The following CTNNA3 variants were observed in gnomAD, a reference collection of about 807,000 sequenced individuals.
CTNNA3 encodes catenin alpha 3, also known as catenin alpha-3.
CTNNA3 carries 76 observed loss-of-function variants against 95.7 expected under a neutral mutation model. That is an observed-to-expected ratio of 0.79 (90% CI 0.66 to 0.96). The LOEUF (loss-of-function observed/expected upper bound fraction) is 0.96, where lower values mean the gene tolerates loss of function less well. Among genes scored for constraint, CTNNA3 ranks in the 40% least tolerant of loss-of-function variants. The pLI is 0.00. For missense variants in CTNNA3, 1,191 were observed against 1,089.8 expected, an observed-to-expected ratio of 1.09 and a Z score of -1.31; for synonymous variants, 431 against 374.4, an observed-to-expected ratio of 1.15 and a Z score of -1.74.
chr10:66,388,547 G>A (rs968331786), intron 11 of CTNNA3, among the ~76,000 whole-genome samples: 7 of 152,050 alleles, frequency 4.6e-5, no homozygotes, highest in African/African-American at 7.2e-5. Flanking sequence ...GCAGAAGGTT[G>A]TGTGATTACT....
chr10:67,025,311 C>T (rs191746404), intron 7 of CTNNA3, among the ~76,000 whole-genome samples: 2 of 151,696 alleles, frequency 1.3e-5, no homozygotes, highest in African/African-American at 4.8e-5. Flanking sequence ...AGCTCATAAG[C>T]CTATTTTGTA....
At position 66,311,689 on chromosome 10, in the gene CTNNA3, A is replaced by C. The variant is rs76602399; in HGVS notation, c.1733-31068T>G. 8.1e-3 allele frequency among the ~76,000 whole-genome samples: 1,240 copies of C among 152,356 alleles called. 14 individuals are homozygous for C. Among genetic ancestry groups the C allele is most frequent in the African/African-American group, 0.028 (1,177 of 41,580 alleles). On this transcript the variant is annotated intron_variant, in intron 12 of 17. Transcript: ENST00000433211. ...GCACACAGTAATGCCAGAAGTTTTA[A>C]TATTAGACTCAGAAAGATACCACAA...
At chr10:67,514,860 T>G (rs926547616) in intron 5 of CTNNA3, among the ~76,000 whole-genome samples, 2 of 152,118 alleles carry the variant, frequency 1.3e-5, no homozygotes, top group Non-Finnish European at 2.9e-5. Flanking sequence ...AACTACTGTA[T>G]AGCAAACAAC....
intron 9 of CTNNA3, among the ~76,000 whole-genome samples, chr10:66,637,357 G>A (rs1001038430): frequency 6.6e-6 from 1 of 152,200 alleles, no homozygotes; most frequent in African/African-American, 2.4e-5. Flanking sequence ...TGCATTCAAG[G>A]TAGCTCCATG....
intron 7 of CTNNA3, among the ~76,000 whole-genome samples, chr10:67,142,669 C>T (rs777267905): frequency 6.6e-6 from 1 of 152,304 alleles, no homozygotes; most frequent in Non-Finnish European, 1.5e-5. Context: ...CGCAGTGGCT[C>T]ACACCTGTAA....
chr10:66,222,685 A>AAGGG (rs1491123050), intron 13 of CTNNA3, among the ~76,000 whole-genome samples: 1 of 147,752 alleles, frequency 6.8e-6, no homozygotes, highest in African/African-American at 2.5e-5. Flanking sequence ...TGGAGGAAGG[A>AAGGG]AGGGAGGGAG....
intron 1 of CTNNA3, among the ~76,000 whole-genome samples, chr10:67,711,589 A>AT (rs1160033893): frequency 6.6e-6 from 1 of 151,956 alleles, no homozygotes; most frequent in African/African-American, 2.4e-5. Flanking sequence ...TTATTTATTT[A>AT]TTTTTTATTA....
At chr10:67,579,040 C>T (rs1307641690) in intron 3 of CTNNA3, among the ~76,000 whole-genome samples, 1 of 142,246 alleles carries the variant, frequency 7.0e-6, no homozygotes, top group African/African-American at 2.6e-5. Context: ...TATACACACA[C>T]ACACATATAT....
At chr10:66,566,665 C>T (rs1486364726) in intron 10 of CTNNA3, among the ~76,000 whole-genome samples, 4 of 151,976 alleles carry the variant, frequency 2.6e-5, no homozygotes, top group African/African-American at 9.7e-5. Context: ...TCTCCTTGTC[C>T]TCTTCATGCT....
chr10:66,543,907 GTGTGTATATATATATATATATA>G (rs1211025795), intron 10 of CTNNA3, among the ~76,000 whole-genome samples: 1 of 28,954 alleles, frequency 3.5e-5, no homozygotes, highest in Non-Finnish European at 6.4e-5. Flanking sequence ...AGATGTGTGT[GTGTGTATATATATATATATATA>G]TATATATATA....
At chr10:66,568,301 A>AAT (rs1253003779) in intron 10 of CTNNA3, among the ~76,000 whole-genome samples, 18 of 152,302 alleles carry the variant, frequency 1.2e-4, no homozygotes, top group African/African-American at 3.8e-4. Flanking sequence ...CTGATTGTAG[A>AAT]CAGTGTCCCT....
intron 1 of CTNNA3, among the ~76,000 whole-genome samples, chr10:67,655,911 G>C (rs1407781347): frequency 6.6e-6 from 1 of 151,278 alleles, no homozygotes; most frequent in Non-Finnish European, 1.5e-5. Flanking sequence ...ATTGAAACCA[G>C]ATGTTAACTG....
intron 3 of CTNNA3, among the ~76,000 whole-genome samples, chr10:67,602,707 A>C (rs1330217636): frequency 6.6e-6 from 1 of 152,196 alleles, no homozygotes; most frequent in African/African-American, 2.4e-5. Flanking sequence ...ATCTCATGGC[A>C]ATTATTGTTC....
At chr10:67,607,377 T>C (rs983017593) in intron 2 of CTNNA3, among the ~76,000 whole-genome samples, 1 of 152,134 alleles carries the variant, frequency 6.6e-6, no homozygotes, top group Non-Finnish European at 1.5e-5. Flanking sequence ...AAGAAAATCA[T>C]AAGGCAGAGA....
chr10:67,329,088 T>A (rs898655634), intron 5 of CTNNA3, among the ~76,000 whole-genome samples: 5 of 152,164 alleles, frequency 3.3e-5, no homozygotes, highest in Admixed American at 1.3e-4. Context: ...AAATGGCAAA[T>A]GGGCTGGGTG....
intron 13 of CTNNA3, among the ~76,000 whole-genome samples, chr10:66,105,236 G>A (rs1254787696): frequency 6.6e-6 from 1 of 152,144 alleles, no homozygotes. Context: ...GGTATTAATA[G>A]CACAAGTTCA....
intron 12 of CTNNA3, among the ~76,000 whole-genome samples, chr10:66,303,548 G>A (rs1433857465): frequency 6.6e-6 from 1 of 151,912 alleles, no homozygotes; most frequent in Admixed American, 6.6e-5. Context: ...TATATAATTG[G>A]TTAGGCATAT....
Position 67,177,992 on chromosome 10 carries a change from C to A in CTNNA3, c.1047+2325G>T, listed in dbSNP as rs1862325659. Among the ~76,000 whole-genome samples the A allele has an allele frequency of 2.0e-5, 3 of 152,290 alleles. No individual in the cohort carries two copies. The South Asian group carries it at 6.2e-4, about 32-fold the overall frequency. Reference sequence around the variant, plus strand: ...GGGGTCCCAGGCTTGGGTTTTCATGCTCTGCTACCACAGTCTTGAATTTTT... The same window carrying A: ...GGGGTCCCAGGCTTGGGTTTTCATGATCTGCTACCACAGTCTTGAATTTTT... On this transcript the variant is annotated intron_variant, in intron 7 of 17. Transcript: ENST00000433211.
chr10:67,717,094 ATGTT>A (rs1344500553), intron 1 of CTNNA3, among the ~76,000 whole-genome samples: 1 of 151,812 alleles, frequency 6.6e-6, no homozygotes, highest in African/African-American at 2.4e-5. Flanking sequence ...TTTTTTTCAC[ATGTT>A]TGTTGGCCAA....
Sources: allele counts gnomAD v4.1 joint callset (sites outside exome capture counted in the v4.1 genomes callset), GRCh38; gene constraint gnomAD v4.1.1; transcripts MANE v1.5; gene names NCBI Gene and HGNC (gene_info 2026-07-23, HGNC 2026-07-21).